KIAA0930: variants seen among roughly 807,000 people sequenced by gnomAD.
KIAA0930 encodes the protein KIAA0930.
Under a neutral mutation model 43.9 loss-of-function variants are expected in KIAA0930, and 24 were observed. The observed-to-expected ratio is 0.55, with a 90% CI of 0.40 to 0.77. The LOEUF (loss-of-function observed/expected upper bound fraction) is 0.77, where lower values mean the gene tolerates loss of function less well. Among genes scored for constraint, KIAA0930 ranks in the 30% least tolerant of loss-of-function variants. The probability of loss-of-function intolerance (pLI) is 0.00; values close to 1 mark genes in which losing one functional copy is unlikely to be tolerated. For synonymous variants in KIAA0930, 259 were observed against 216.4 expected (o/e 1.20, Z -1.73); for missense variants, 461 against 574.2 (o/e 0.80, Z 2.02).
intron 2 of KIAA0930, chr22:45,211,370 G>C (rs1293888143): frequency 2.0e-5 from 8 of 398,662 alleles, no homozygotes; most frequent in Non-Finnish European, 3.5e-5. Flanking sequence ...CTCCCACACT[G>C]CGATTTAGTG....
rs865784433 is a variant in KIAA0930 at position 45,196,890 on chromosome 22, G to C, written c.*286C>G. The C allele has an allele frequency of 4.8e-6, 2 of 419,786 alleles. No homozygotes were observed. The highest frequency in any genetic ancestry group is 8.5e-6 in the Non-Finnish European group (2 of 236,400). 26.0% of individuals were successfully genotyped at this position (419,786 alleles called of 1,614,324 possible). ...CTTCCGCTCTCTCTCATGGCCGCTCGGCATCTCTAGTCCTCTTTGGGTGCA... is the reference window on the plus strand; with the variant it reads ...CTTCCGCTCTCTCTCATGGCCGCTCCGCATCTCTAGTCCTCTTTGGGTGCA... On this transcript the variant is annotated 3_prime_UTR_variant, in exon 10 of 10. Transcript: ENST00000336156. The surrounding 1 kb of genome is among the most constrained non-coding windows in gnomAD (Gnocchi z 4.1).
chr22:45,212,191 C>T, intron 1 of KIAA0930, 84 bp from the exon 2 acceptor site: 1 of 1,613,168 alleles, frequency 6.2e-7, no homozygotes, highest in Non-Finnish European at 8.5e-7. Flanking sequence ...GCGCCCATAC[C>T]CCCACATTTC....
rs35033031 is a variant in KIAA0930, at chr22:45,220,444, C to CA, written c.65-8338dup. Reference sequence around the variant, plus strand: ...AGCCTGGCGACAGAGACTCAGTCTCCAAAAAAAAAAGGTTCAATATTAGAA... The same window carrying CA: ...AGCCTGGCGACAGAGACTCAGTCTCCAAAAAAAAAAAGGTTCAATATTAGAA... On this transcript the variant is annotated intron_variant, in intron 1 of 9. Coordinates refer to ENST00000336156, the MANE Select transcript of KIAA0930 (RefSeq NM_001009880.2). Among the ~76,000 whole-genome samples the CA allele has an allele frequency of 8.3e-3, 1,170 of 140,340 alleles. 12 individuals carry two copies. The highest frequency in any genetic ancestry group is 0.028 in the African/African-American group (1,074 of 38,200). The allele number at this position is 140,340 out of a possible 152,430, so 92.1% of individuals were successfully genotyped here.
At chr22:45,208,734 T>C (rs1316273617) in intron 2 of KIAA0930, among the ~76,000 whole-genome samples, 1 of 152,250 alleles carries the variant, frequency 6.6e-6, no homozygotes, top group East Asian at 1.9e-4. Flanking sequence ...TGTATAGACG[T>C]TATATTGAAA....
chr22:45,194,490 T>G lies in KIAA0930; in HGVS notation c.*2686A>C, dbSNP rs1405701636. The G allele has an allele frequency of 1.3e-5, 2 of 152,228 alleles. No individual in the cohort carries two copies. The highest frequency in any genetic ancestry group is 2.9e-5 in the Non-Finnish European group (2 of 68,046). The allele number at this position is 152,228 out of a possible 1,614,324, so 9.4% of individuals were successfully genotyped here. Reference sequence around the variant, plus strand: ...TGTTGAGGAAAACTAGGTGTCACCATGCATTAGTCTTCCCCGCATTACACA... The same window carrying G: ...TGTTGAGGAAAACTAGGTGTCACCAGGCATTAGTCTTCCCCGCATTACACA... On this transcript the variant is annotated 3_prime_UTR_variant, in exon 10 of 10. Transcript: ENST00000336156.
chr22:45,218,466 G>A (rs1256953709), intron 1 of KIAA0930, among the ~76,000 whole-genome samples: 1 of 148,760 alleles, frequency 6.7e-6, no homozygotes, highest in Non-Finnish European at 1.5e-5. Flanking sequence ...TTACAGGTGT[G>A]AGCCACTACG....
At chr22:45,213,416 C>T in intron 1 of KIAA0930, 1 of 1,298,266 alleles carries the variant, frequency 7.7e-7, no homozygotes, top group Non-Finnish European at 1.0e-6. Context: ...GTCAGCGAGC[C>T]TTGTCAGCCT....
intron 8 of KIAA0930, 43 bp downstream of exon 8, chr22:45,199,830 A>G: frequency 6.8e-7 from 1 of 1,470,274 alleles, no homozygotes; most frequent in Non-Finnish European, 9.1e-7. Context: ...TCAAGAAGAG[A>G]CTGAAGGGCA....
chr22:45,199,857 C>A lies in KIAA0930; in HGVS notation c.1015+16G>T. The A allele has an allele frequency of 6.5e-7, 1 of 1,542,950 alleles. No homozygotes were observed. Among genetic ancestry groups the A allele is most frequent in the Non-Finnish European group, 8.8e-7 (1 of 1,139,570 alleles). ...TGAAGGGCACGGGGACCCTAGGGCA[C>A]GGAGTGGGGGGTCACCTCCACCGTC... On this transcript the variant is annotated intron_variant, in intron 8 of 9. Transcript: ENST00000336156.
At chr22:45,239,682 C>A (rs1454021906) in intron 1 of KIAA0930, among the ~76,000 whole-genome samples, 2 of 152,148 alleles carry the variant, frequency 1.3e-5, no homozygotes, top group Admixed American at 6.5e-5. Flanking sequence ...GTTTCCCCAA[C>A]GGTGAATGAA....
Position 45,192,439 on chromosome 22 carries a change from A to G in KIAA0930, c.*4737T>C, listed in dbSNP as rs545664102. On this transcript the variant is annotated 3_prime_UTR_variant, in exon 10 of 10. Coordinates refer to ENST00000336156, the MANE Select transcript of KIAA0930 (RefSeq NM_001009880.2). Reference sequence around the variant, plus strand: ...TGGCAATCAGCATACTGAGCTATCCAGTGGAGGCCAGCATCGTGTTTTTGC... The same window carrying G: ...TGGCAATCAGCATACTGAGCTATCCGGTGGAGGCCAGCATCGTGTTTTTGC... 2.0e-5 allele frequency: 3 copies of G among 152,374 alleles called. No individual in the cohort carries two copies. Among genetic ancestry groups the G allele is most frequent in the African/African-American group, 7.2e-5 (3 of 41,594 alleles). 9.4% of individuals were successfully genotyped at this position (152,374 alleles called of 1,614,324 possible). A position where few individuals can be genotyped will look rare whatever the true frequency, so the allele number is the denominator to read the frequency against.
chr22:45,225,590 C>T (rs2083794256), intron 1 of KIAA0930, among the ~76,000 whole-genome samples: 1 of 152,212 alleles, frequency 6.6e-6, no homozygotes, highest in African/African-American at 2.4e-5. Context: ...TGCTCCCTCT[C>T]ACCAGGTCTC....
intron 1 of KIAA0930, among the ~76,000 whole-genome samples, chr22:45,231,512 A>G (rs73436105): frequency 0.027 from 4,069 of 152,098 alleles, 159 homozygotes; most frequent in African/African-American, 0.093. Flanking sequence ...AGGCATGAAC[A>G]ATCAGCCTGT....
At chr22:45,220,584 TTTA>T (rs1415891671) in intron 1 of KIAA0930, among the ~76,000 whole-genome samples, 2 of 152,150 alleles carry the variant, frequency 1.3e-5, no homozygotes, top group African/African-American at 2.4e-5. Flanking sequence ...TTGATTTTTA[TTTA>T]TTATTTTATG....
intron 2 of KIAA0930, among the ~76,000 whole-genome samples, chr22:45,206,496 G>A (rs1233403022): frequency 2.0e-5 from 3 of 152,218 alleles, no homozygotes; most frequent in African/African-American, 7.2e-5. Context: ...AATGATAATA[G>A]TGACACCTAC....
chr22:45,221,092 A>G (rs1323951988), intron 1 of KIAA0930, among the ~76,000 whole-genome samples: 4 of 152,212 alleles, frequency 2.6e-5, no homozygotes, highest in Non-Finnish European at 5.9e-5. Flanking sequence ...TTACTGAACT[A>G]TCACCTTCTC....
At chr22:45,204,393 C>T (rs536518632) in intron 5 of KIAA0930, among the ~76,000 whole-genome samples, 1 of 152,318 alleles carries the variant, frequency 6.6e-6, no homozygotes, top group Admixed American at 6.5e-5. Flanking sequence ...GTGACAACAC[C>T]AGACTAAGGT....
At chr22:45,214,301 A>G (rs557293168) in intron 1 of KIAA0930, among the ~76,000 whole-genome samples, 67 of 152,352 alleles carry the variant, frequency 4.4e-4, no homozygotes, top group African/African-American at 1.5e-3. Flanking sequence ...AATGAAGCAC[A>G]TGTCCACAGA....
Position 45,193,073 on chromosome 22 carries a change from C to G in KIAA0930, c.*4103G>C, listed in dbSNP as rs957240773. The G allele has an allele frequency of 1.3e-5, 2 of 152,166 alleles. No homozygotes were observed. The highest frequency in any genetic ancestry group is 2.9e-5 in the Non-Finnish European group (2 of 68,042). 9.4% of individuals were successfully genotyped at this position (152,166 alleles called of 1,614,324 possible). The stretch of plus-strand genomic sequence containing the variant: ...CTGCTTCCATTCAAGCTCAAGGGCA[C>G]GTGCCTTTCCTTATCTCGTGGAGTG... On this transcript the variant is annotated 3_prime_UTR_variant, in exon 10 of 10. Transcript: ENST00000336156.
Sources: allele counts gnomAD v4.1 joint callset (sites outside exome capture counted in the v4.1 genomes callset), GRCh38; gene constraint gnomAD v4.1.1; non-coding constraint Gnocchi (gnomAD v3.1); transcripts MANE v1.5; gene names NCBI Gene and HGNC (gene_info 2026-07-23, HGNC 2026-07-21).